The following GNG7 variants were observed in gnomAD, a reference collection of about 807,000 sequenced individuals.
GNG7 encodes guanine nucleotide-binding protein G(I)/G(S)/G(O) subunit gamma-7.
A neutral mutation model predicts 4.0 loss-of-function variants in GNG7; 1 was observed. The ratio of observed to expected loss-of-function variants is 0.25; its 90% CI spans 0.09 to 1.18. The LOEUF is 1.18. Among genes scored for constraint, GNG7 ranks in the 50% most tolerant of loss-of-function variants. GNG7 has a pLI of 0.50. For missense variants in GNG7, 86 were observed against 91.9 expected (o/e 0.94, Z 0.26); for synonymous variants, 34 against 36.9 (o/e 0.92, Z 0.29).
chr19:2,535,203 T>G (rs560638420), intron 3 of GNG7, among the ~76,000 whole-genome samples: 1 of 151,488 alleles, frequency 6.6e-6, no homozygotes, highest in South Asian at 2.1e-4. Context: ...GCCAAAGATC[T>G]GGGGGCTGGG....
chr19:2,673,207 G>A (rs1442311412), intron 1 of GNG7, among the ~76,000 whole-genome samples: 1 of 147,892 alleles, frequency 6.8e-6, no homozygotes, highest in Non-Finnish European at 1.5e-5. Context: ...GCAGCGAGCT[G>A]AGATAGCACC....
At chr19:2,662,978 A>G (rs1424939575) in intron 1 of GNG7, among the ~76,000 whole-genome samples, 1 of 152,200 alleles carries the variant, frequency 6.6e-6, no homozygotes, top group Non-Finnish European at 1.5e-5. Flanking sequence ...TCTGCACCAG[A>G]AAAAAATCAG....
chr19:2,568,451 TATACATAC>T (rs566866797), intron 2 of GNG7, among the ~76,000 whole-genome samples: 1 of 84,398 alleles, frequency 1.2e-5, no homozygotes, highest in Non-Finnish European at 3.4e-5. Context: ...CACACATACA[TATACATAC>T]ACACACACAT....
rs1020995413 is a variant in GNG7 at position 2,514,822 on chromosome 19, G to A, written c.*200C>T. 14 of 510,052 alleles carry A rather than the reference G, an allele frequency of 2.7e-5. No homozygotes were observed. The highest frequency in any genetic ancestry group is 6.7e-5 in the Admixed American group (2 of 30,072). 31.6% of individuals were successfully genotyped at this position (510,052 alleles called of 1,614,324 possible). ...CTGAAAATTCATCTCCACCTACAAGGTCCATTCTACCCCATCCGGGCGGTG... is the reference window on the plus strand; with the variant it reads ...CTGAAAATTCATCTCCACCTACAAGATCCATTCTACCCCATCCGGGCGGTG... On this transcript the variant is annotated 3_prime_UTR_variant, in exon 5 of 5. Coordinates refer to ENST00000382159, the MANE Select transcript of GNG7 (RefSeq NM_052847.3).
intron 2 of GNG7, among the ~76,000 whole-genome samples, chr19:2,580,976 G>T (rs944147990): frequency 6.6e-6 from 1 of 151,930 alleles, no homozygotes; most frequent in African/African-American, 2.4e-5. Flanking sequence ...TGTTGGCCAG[G>T]ATGGTCTTGA....
At chr19:2,556,009 G>C (rs1302721337) in intron 2 of GNG7, among the ~76,000 whole-genome samples, 1 of 152,242 alleles carries the variant, frequency 6.6e-6, no homozygotes, top group African/African-American at 2.4e-5. Context: ...CTAAGGTCTG[G>C]AGGGAGATCC....
In GNG7 at chr19:2,642,776, G is replaced by A. The variant is rs539459855; in HGVS notation, c.-78+3448C>T. ...CTCAAAGTGCTGGGATTACAGGCGT[G>A]AGCCATGGCGCCCGGCCAGAACTGA... On this transcript the variant is annotated intron_variant, in intron 2 of 4. Transcript: ENST00000382159. 7 of 456,736 alleles carry A rather than the reference G, an allele frequency of 1.5e-5. No individual in the cohort carries two copies. The East Asian group carries it at 4.9e-4, about 32-fold the overall frequency. The allele number at this position is 456,736 out of a possible 1,614,324, so 28.3% of individuals were successfully genotyped here.
chr19:2,546,806 G>A lies in GNG7; in HGVS notation c.-38+8343C>T. On this transcript the variant is annotated intron_variant, in intron 3 of 4. Coordinates refer to ENST00000382159, the MANE Select transcript of GNG7 (RefSeq NM_052847.3). This position sits in a 1 kb window ranked among gnomAD's most constrained non-coding sequence, Gnocchi z 6.3. ...GTCCACCCGGCGGTGGGGTCGGCGG[G>A]GGCGGGGGATGACCACGGTCATGTG... Among the ~76,000 whole-genome samples, 1 of 152,170 alleles carries A rather than the reference G, an allele frequency of 6.6e-6. No homozygotes were observed. The highest frequency in any genetic ancestry group is 1.9e-4 in the East Asian group (1 of 5,188).
At chr19:2,673,281 AACAAAAC>A in intron 1 of GNG7, among the ~76,000 whole-genome samples, 1 of 150,260 alleles carries the variant, frequency 6.7e-6, no homozygotes, top group East Asian at 2.0e-4. Flanking sequence ...AACAAAACAA[AACAAAAC>A]AAAAAAAAAC....
rs1002638647 is a variant in GNG7 at position 2,551,560 on chromosome 19, T to C, written c.-38+3589A>G. On this transcript the variant is annotated intron_variant, in intron 3 of 4. Coordinates refer to ENST00000382159, the MANE Select transcript of GNG7 (RefSeq NM_052847.3). ...ATTTATATGTATTTATTAATATATATTTATCTATTATCTATAATATATAAA... is the reference window on the plus strand; with the variant it reads ...ATTTATATGTATTTATTAATATATACTTATCTATTATCTATAATATATAAA... Among the ~76,000 whole-genome samples, 46 of 147,162 alleles carry C rather than the reference T, an allele frequency of 3.1e-4. No individual in the cohort carries two copies. In the South Asian group the frequency reaches 5.7e-3, roughly 18 times the overall value.
chr19:2,530,481 G>A (rs1330599653), intron 3 of GNG7, among the ~76,000 whole-genome samples: 2 of 150,758 alleles, frequency 1.3e-5, no homozygotes, highest in Non-Finnish European at 2.9e-5. Context: ...AGCACTTTGG[G>A]AGGCTGAGGT....
intron 3 of GNG7, among the ~76,000 whole-genome samples, chr19:2,525,664 AC>A (rs1185519876): frequency 2.0e-5 from 3 of 152,002 alleles, no homozygotes; most frequent in South Asian, 4.2e-4. Context: ...GACCACAGGG[AC>A]CCCCAGGGAG....
chr19:2,672,557 C>A (rs1331799684), intron 1 of GNG7, among the ~76,000 whole-genome samples: 1 of 151,974 alleles, frequency 6.6e-6, no homozygotes, highest in Admixed American at 6.6e-5. Flanking sequence ...AGCAATTCTC[C>A]TGCCTCAGCC....
At chr19:2,612,880 C>G in intron 2 of GNG7, among the ~76,000 whole-genome samples, 1 of 151,942 alleles carries the variant, frequency 6.6e-6, no homozygotes, top group East Asian at 1.9e-4. Flanking sequence ...TTAGTAGAGA[C>G]GGGTTTTCAC....
intron 1 of GNG7, among the ~76,000 whole-genome samples, chr19:2,677,325 G>T (rs899264935): frequency 6.6e-6 from 1 of 151,338 alleles, no homozygotes; most frequent in Non-Finnish European, 1.5e-5. Context: ...TGGTCCCCAG[G>T]GGATGCTAGG....
In GNG7 at chr19:2,584,959, A is replaced by AGAAG. The variant is rs1319996210; in HGVS notation, c.-77-29775_-77-29772dup. 3.9e-4 allele frequency among the ~76,000 whole-genome samples: 8 copies of AGAAG among 20,648 alleles called. 1 individual carries two copies. The highest frequency in any genetic ancestry group is 7.2e-4 in the African/African-American group (2 of 2,774). 13.5% of individuals were successfully genotyped at this position (20,648 alleles called of 152,430 possible). ...GGGAGGGAGGGAGGGAAGGAAGGAA[A>AGAAG]GAAGGAAGGAGGGAGGGAGGGATGG... On this transcript the variant is annotated intron_variant, in intron 2 of 4. Coordinates refer to ENST00000382159, the MANE Select transcript of GNG7 (RefSeq NM_052847.3).
rs900592927 is a variant in GNG7, at chr19:2,557,266, T to C, written c.-77-2078A>G. 7.2e-6 allele frequency among the ~76,000 whole-genome samples: 1 copy of C among 139,410 alleles called. No homozygotes were observed. Among genetic ancestry groups the C allele is most frequent in the African/African-American group, 2.8e-5 (1 of 35,246 alleles). The allele number at this position is 139,410 out of a possible 152,430, so 91.5% of individuals were successfully genotyped here. ...ATGTGCACACACACGTGCACACACA[T>C]TTGCACACACAGACACGTGCACACA... On this transcript the variant is annotated intron_variant, in intron 2 of 4. Coordinates refer to ENST00000382159, the MANE Select transcript of GNG7 (RefSeq NM_052847.3). This position sits in a 1 kb window ranked among gnomAD's most constrained non-coding sequence, Gnocchi z 5.1.
At chr19:2,517,698 G>C (rs1397787946) in intron 4 of GNG7, among the ~76,000 whole-genome samples, 1 of 152,120 alleles carries the variant, frequency 6.6e-6, no homozygotes, top group Non-Finnish European at 1.5e-5. Context: ...TTCTGGTACA[G>C]ATGAGGTCTC....
At chr19:2,698,467 G>A (rs772119282) in intron 1 of GNG7, among the ~76,000 whole-genome samples, 1 of 151,984 alleles carries the variant, frequency 6.6e-6, no homozygotes, top group South Asian at 2.1e-4. Flanking sequence ...GAGAGGATGA[G>A]GCAGAAGAAT....
Sources: allele counts gnomAD v4.1 joint callset (sites outside exome capture counted in the v4.1 genomes callset), GRCh38; gene constraint gnomAD v4.1.1; non-coding constraint Gnocchi (gnomAD v3.1); transcripts MANE v1.5; gene names NCBI Gene and HGNC (gene_info 2026-07-23, HGNC 2026-07-21).